OPRD1: variants seen among roughly 807,000 people sequenced by gnomAD.
OPRD1 encodes opioid receptor delta 1.
In OPRD1, 19 loss-of-function variants were observed where a neutral mutation model predicts 17.5. The observed-to-expected ratio is 1.09, with a 90% CI of 0.76 to 1.60. The LOEUF (loss-of-function observed/expected upper bound fraction) is 1.60, where lower values mean the gene tolerates loss of function less well. Ranked by LOEUF, OPRD1 falls within the 40% of genes most tolerant of loss-of-function variation. OPRD1 has a pLI of 0.00. For synonymous variants in OPRD1, 256 were observed against 240.9 expected, an observed-to-expected ratio of 1.06 and a Z score of -0.58; for missense variants, 483 against 547.2, an observed-to-expected ratio of 0.88 and a Z score of 1.17.
chr1:28,859,943 A>G (rs941830902), intron 2 of OPRD1, among the ~76,000 whole-genome samples: 4 of 152,172 alleles, frequency 2.6e-5, no homozygotes, highest in East Asian at 1.9e-4. Context: ...TCCCATCACA[A>G]TCCAGTGTGA....
intron 1 of OPRD1, among the ~76,000 whole-genome samples, chr1:28,843,598 C>T (rs187945304): frequency 7.8e-4 from 119 of 152,230 alleles, no homozygotes; most frequent in Non-Finnish European, 1.4e-3. Context: ...CTTGTTGTAG[C>T]AGGTGTCAGA....
chr1:28,830,120 G>T (rs2088798549), intron 1 of OPRD1, among the ~76,000 whole-genome samples: 1 of 152,140 alleles, frequency 6.6e-6, no homozygotes, highest in African/African-American at 2.4e-5. Flanking sequence ...GAGAGATGGG[G>T]CAATGGCCAG....
chr1:28,818,750 G>GC (rs2088689888), intron 1 of OPRD1, among the ~76,000 whole-genome samples: 1 of 152,164 alleles, frequency 6.6e-6, no homozygotes, highest in African/African-American at 2.4e-5. Context: ...TGGTAGAGTA[G>GC]CCCCAGGTAA....
intron 1 of OPRD1, among the ~76,000 whole-genome samples, chr1:28,839,995 C>T (rs551907427): frequency 6.6e-6 from 1 of 152,326 alleles, no homozygotes; most frequent in East Asian, 1.9e-4. Context: ...TCAGGGCACC[C>T]TGGCACCTGC....
At chr1:28,817,655 C>T (rs771335152) in intron 1 of OPRD1, among the ~76,000 whole-genome samples, 35 of 152,222 alleles carry the variant, frequency 2.3e-4, no homozygotes, top group Admixed American at 4.6e-4. Flanking sequence ...GGTCAGGGAG[C>T]GCCTGGTCTC....
At chr1:28,824,598 G>C (rs111991429) in intron 1 of OPRD1, among the ~76,000 whole-genome samples, 1 of 151,940 alleles carries the variant, frequency 6.6e-6, no homozygotes, top group Non-Finnish European at 1.5e-5. Flanking sequence ...GATTACAGGC[G>C]TGAGCCACTG....
chr1:28,831,535 C>G (rs2088809189), intron 1 of OPRD1, among the ~76,000 whole-genome samples: 1 of 151,000 alleles, frequency 6.6e-6, no homozygotes, highest in Non-Finnish European at 1.5e-5. Flanking sequence ...AGCTCAACAG[C>G]AAAGCATAGC....
intron 1 of OPRD1, among the ~76,000 whole-genome samples, chr1:28,858,206 C>A (rs1037278883): frequency 7.9e-5 from 12 of 151,018 alleles, no homozygotes; most frequent in Non-Finnish European, 1.6e-4. Context: ...CTCCGCCTCC[C>A]GGGTTCACGC....
intron 1 of OPRD1, among the ~76,000 whole-genome samples, chr1:28,823,555 C>T (rs2088734903): frequency 6.6e-6 from 1 of 152,002 alleles, no homozygotes; most frequent in African/African-American, 2.4e-5. Context: ...CACACCATGC[C>T]TGGCTAATTT....
In OPRD1 at chr1:28,869,548, G is replaced by A. The variant is rs1412863656; in HGVS notation, c.*6265G>A. 1 of 152,240 alleles carries A rather than the reference G, an allele frequency of 6.6e-6. No individual in the cohort carries two copies. Among genetic ancestry groups the A allele is most frequent in the Non-Finnish European group, 1.5e-5 (1 of 68,088 alleles). 9.4% of individuals were successfully genotyped at this position (152,240 alleles called of 1,614,324 possible). A position where few individuals can be genotyped will look rare whatever the true frequency, so the allele number is the denominator to read the frequency against. On this transcript the variant is annotated 3_prime_UTR_variant, in exon 3 of 3. Coordinates refer to ENST00000234961, the MANE Select transcript of OPRD1 (RefSeq NM_000911.4). ...CATTTAATCTTCACAGCATGATGAT[G>A]AGGTAGGCATAGTATCATTACCTCC... is the stretch of plus-strand genomic sequence containing the variant.
chr1:28,836,934 G>C (rs889605572), intron 1 of OPRD1, among the ~76,000 whole-genome samples: 1 of 152,104 alleles, frequency 6.6e-6, no homozygotes, highest in South Asian at 2.1e-4. Context: ...GGGGCAGGGT[G>C]GGGGAACGGG....
At chr1:28,841,570 C>T (rs1006784890) in intron 1 of OPRD1, among the ~76,000 whole-genome samples, 1 of 152,126 alleles carries the variant, frequency 6.6e-6, no homozygotes, top group Non-Finnish European at 1.5e-5. Flanking sequence ...TAGTGCTTGG[C>T]GCATAAGAGA....
chr1:28,823,972 G>A (rs1406816997), intron 1 of OPRD1, among the ~76,000 whole-genome samples: 7 of 143,870 alleles, frequency 4.9e-5, no homozygotes, highest in African/African-American at 1.8e-4. Context: ...GAGGTCAGGA[G>A]TTTGAGACCA....
rs1442362023 is a variant in OPRD1, at chr1:28,870,950, G to A, written c.*7667G>A. ...TCTGTCCCTCTCTGGGCCTCTGCAC[G>A]ATGGAGGGGTAGGAGTTGATGGTTC... is the stretch of plus-strand genomic sequence containing the variant. On this transcript the variant is annotated 3_prime_UTR_variant, in exon 3 of 3. Transcript: ENST00000234961. The A allele has an allele frequency of 2.0e-5, 3 of 152,216 alleles. No individual in the cohort carries two copies. Among genetic ancestry groups the A allele is most frequent in the African/African-American group, 7.2e-5 (3 of 41,444 alleles). The allele number at this position is 152,216 out of a possible 1,614,324, so 9.4% of individuals were successfully genotyped here.
intron 1 of OPRD1, among the ~76,000 whole-genome samples, chr1:28,845,083 G>A (rs1437520372): frequency 6.6e-6 from 1 of 152,062 alleles, no homozygotes; most frequent in Non-Finnish European, 1.5e-5. Context: ...GGTGGCTCAT[G>A]CCTGTAATCC....
At chr1:28,818,331 C>T (rs530904669) in intron 1 of OPRD1, among the ~76,000 whole-genome samples, 13 of 152,308 alleles carry the variant, frequency 8.5e-5, no homozygotes, top group South Asian at 6.2e-4. Context: ...AACCTCCATA[C>T]GCCCCCTGGC....
chr1:28,849,279 G>A (rs2088978879), intron 1 of OPRD1, among the ~76,000 whole-genome samples: 2 of 152,022 alleles, frequency 1.3e-5, no homozygotes, highest in African/African-American at 2.4e-5. Flanking sequence ...GGGGACTCCC[G>A]GGCCCTTTCT....
At chr1:28,837,671 A>C (rs2088864109) in intron 1 of OPRD1, among the ~76,000 whole-genome samples, 1 of 147,502 alleles carries the variant, frequency 6.8e-6, no homozygotes, top group Non-Finnish European at 1.5e-5. Context: ...CAAAAAAAAC[A>C]AAAAAAAACC....
chr1:28,846,833 C>CTT (rs1317377977), intron 1 of OPRD1, among the ~76,000 whole-genome samples: 2 of 75,992 alleles, frequency 2.6e-5, no homozygotes, highest in African/African-American at 5.6e-5. Context: ...TTCTTTCTTT[C>CTT]TTTCTTTCTT....
Sources: allele counts gnomAD v4.1 joint callset (sites outside exome capture counted in the v4.1 genomes callset), GRCh38; gene constraint gnomAD v4.1.1; transcripts MANE v1.5; gene names NCBI Gene and HGNC (gene_info 2026-07-23, HGNC 2026-07-21).